Variants in KHDRBS2 observed in about 807,000 individuals in gnomAD.
KHDRBS2 encodes KH domain-containing, RNA-binding, signal transduction-associated protein 2.
Under a neutral mutation model 44.3 loss-of-function variants are expected in KHDRBS2, and 26 were observed. The observed-to-expected ratio is 0.59, with a 90% CI of 0.43 to 0.81. The LOEUF (loss-of-function observed/expected upper bound fraction) is 0.81, where lower values mean the gene tolerates loss of function less well. KHDRBS2 is among the 40% of genes least tolerant of loss of function. The pLI is 0.00. For synonymous variants in KHDRBS2, 194 were observed against 151.1 expected, an observed-to-expected ratio of 1.28 and a Z score of -2.08; for missense variants, 476 against 433.1, an observed-to-expected ratio of 1.10 and a Z score of -0.88.
intron 1 of KHDRBS2, among the ~76,000 whole-genome samples, chr6:62,197,028 A>T (rs1467286604): frequency 6.6e-6 from 1 of 152,114 alleles, no homozygotes; most frequent in Admixed American, 6.6e-5. Flanking sequence ...GTGTAGTATA[A>T]AAATGAGTAT....
At chr6:62,192,888 T>C (rs1432340507) in intron 1 of KHDRBS2, among the ~76,000 whole-genome samples, 1 of 152,138 alleles carries the variant, frequency 6.6e-6, no homozygotes, top group Non-Finnish European at 1.5e-5. Context: ...AATGAAACAG[T>C]CATTACGCTT....
intron 3 of KHDRBS2, among the ~76,000 whole-genome samples, chr6:62,011,276 C>A (rs777648292): frequency 5.5e-4 from 83 of 151,994 alleles, no homozygotes; most frequent in Non-Finnish European, 1.0e-3. Flanking sequence ...GTTGACAAAA[C>A]CTGTCATGAA....
chr6:61,879,145 A>G (rs1799867296), intron 6 of KHDRBS2, among the ~76,000 whole-genome samples: 2 of 152,010 alleles, frequency 1.3e-5, no homozygotes, highest in Admixed American at 1.3e-4. Context: ...AGAAAGCAGT[A>G]TATACCTACT....
At chr6:62,216,986 C>A (rs1830110914) in intron 1 of KHDRBS2, among the ~76,000 whole-genome samples, 1 of 147,906 alleles carries the variant, frequency 6.8e-6, no homozygotes. Context: ...AATTTCCTGG[C>A]CTGAGAGTCT....
At chr6:62,178,270 T>C (rs72870734) in intron 1 of KHDRBS2, among the ~76,000 whole-genome samples, 10,201 of 151,550 alleles carry the variant, frequency 0.067, 499 homozygotes, top group South Asian at 0.13. Context: ...CTTAACAGTC[T>C]GATGAAAACC....
rs1018443453 is a variant in KHDRBS2 at position 62,094,905 on chromosome 6, G to A, written c.220-46911C>T. ...GGTTAATTTATAAACTTTCTATTCT[G>A]TTCCATTGGTCTATGTTTCTGTTTT... On this transcript the variant is annotated intron_variant, in intron 2 of 8. Transcript: ENST00000281156. 5.9e-5 allele frequency among the ~76,000 whole-genome samples: 9 copies of A among 151,758 alleles called. 1 individual carries two copies. The highest frequency in any genetic ancestry group is 1.3e-4 in the Non-Finnish European group (9 of 67,822).
intron 2 of KHDRBS2, among the ~76,000 whole-genome samples, chr6:62,128,886 T>C (rs138566030): frequency 4.7e-4 from 71 of 152,114 alleles, no homozygotes; most frequent in African/African-American, 1.7e-3. Context: ...ATTCTGCTTA[T>C]ATACTTAACA....
chr6:62,050,893 G>C (rs981391091), intron 2 of KHDRBS2, among the ~76,000 whole-genome samples: 1 of 151,982 alleles, frequency 6.6e-6, no homozygotes, highest in Non-Finnish European at 1.5e-5. Flanking sequence ...ATGTAAACAA[G>C]TGCTCATCCT....
intron 4 of KHDRBS2, among the ~76,000 whole-genome samples, chr6:61,930,137 C>T (rs1051503361): frequency 2.6e-5 from 4 of 152,078 alleles, no homozygotes; most frequent in Non-Finnish European, 5.9e-5. Flanking sequence ...TCAGACCCTG[C>T]AGAGGATGCT....
chr6:61,838,143 T>C, intron 6 of KHDRBS2, among the ~76,000 whole-genome samples: 1 of 152,100 alleles, frequency 6.6e-6, no homozygotes, highest in Non-Finnish European at 1.5e-5. Context: ...AAGATTATCT[T>C]GGTGCAGTGT....
chr6:62,242,265 C>T (rs1470458120), intron 1 of KHDRBS2, among the ~76,000 whole-genome samples: 9 of 152,152 alleles, frequency 5.9e-5, no homozygotes, highest in Admixed American at 2.6e-4. Flanking sequence ...CAGCCTAAAG[C>T]AGCCCGGACT....
rs191030131 is a variant in KHDRBS2 at position 61,966,646 on chromosome 6, G to T, written c.483+11420C>A. ...ATCCAGCAGCCCAATTCTTCATGCT[G>T]TCACTAGTCACATGGCATTCCACAG... On this transcript the variant is annotated intron_variant, in intron 4 of 8. Transcript: ENST00000281156. Among the ~76,000 whole-genome samples the T allele has an allele frequency of 7.9e-5, 12 of 152,104 alleles. No homozygotes were observed. The East Asian group carries it at 2.1e-3, about 27-fold the overall frequency.
the KHDRBS2 span, among the ~76,000 whole-genome samples, chr6:61,602,357 A>AC: frequency 3.3e-5 from 5 of 152,140 alleles, no homozygotes; most frequent in Admixed American, 3.3e-4. Context: ...AGGACCGCCT[A>AC]CCCCAGGATC....
chr6:61,624,560 C>T, the KHDRBS2 span, among the ~76,000 whole-genome samples: 6 of 152,182 alleles, frequency 3.9e-5, no homozygotes, highest in East Asian at 1.2e-3. Context: ...GACATGGAAT[C>T]TGTAACATAA....
Position 62,239,858 on chromosome 6 carries a change from GTATATT to G in KHDRBS2, c.91+45994_91+45999del, listed in dbSNP as rs201728460. Among the ~76,000 whole-genome samples the G allele has an allele frequency of 7.9e-3, 1,207 of 151,866 alleles. 16 individuals are homozygous for G. The highest frequency in any genetic ancestry group is 0.028 in the African/African-American group (1,142 of 41,428). ...CCACCACCATGCCCGACCAATTTTT[GTATATT>G]TATTAGAGGCAGGTTTCACCATGTT... On this transcript the variant is annotated intron_variant, in intron 1 of 8. Coordinates refer to ENST00000281156, the MANE Select transcript of KHDRBS2 (RefSeq NM_152688.4).
At chr6:61,560,812 C>G in the KHDRBS2 span, among the ~76,000 whole-genome samples, 41 of 152,258 alleles carry the variant, frequency 2.7e-4, no homozygotes, top group African/African-American at 9.1e-4. Context: ...TGGATTGTCT[C>G]TCATGCTTTA....
intron 6 of KHDRBS2, among the ~76,000 whole-genome samples, chr6:61,854,417 A>G (rs1795877376): frequency 6.6e-6 from 1 of 152,138 alleles, no homozygotes; most frequent in South Asian, 2.1e-4. Context: ...TTGCATGTAG[A>G]TACTTTTTCT....
intron 6 of KHDRBS2, among the ~76,000 whole-genome samples, chr6:61,811,714 T>C (rs1456964064): frequency 6.6e-6 from 1 of 152,128 alleles, no homozygotes; most frequent in African/African-American, 2.4e-5. Flanking sequence ...TGTTCCTCTC[T>C]TCTTGATTTT....
At chr6:62,041,467 T>C (rs1228127553) in intron 3 of KHDRBS2, among the ~76,000 whole-genome samples, 2 of 152,144 alleles carry the variant, frequency 1.3e-5, no homozygotes, top group South Asian at 2.1e-4. Context: ...AAAATTTCTA[T>C]TTTCATACAT....
Sources: gnomAD v4.1 joint callset for allele counts (sites outside exome capture counted in the v4.1 genomes callset) on GRCh38, gnomAD v4.1.1 for gene constraint, MANE v1.5 for transcripts, NCBI Gene and HGNC (gene_info 2026-07-23, HGNC 2026-07-21) for gene names.